The following INCENP variants were observed in gnomAD, a reference collection of about 807,000 sequenced individuals.
INCENP encodes the protein inner centromere protein.
Under a neutral mutation model 107.3 loss-of-function variants are expected in INCENP, and 43 were observed. The observed-to-expected ratio is 0.40, with a 90% CI of 0.31 to 0.52. The LOEUF (loss-of-function observed/expected upper bound fraction) is 0.52, where lower values mean the gene tolerates loss of function less well. Ranked by LOEUF, INCENP falls within the 20% of genes least tolerant of loss-of-function variation. The pLI, the probability that INCENP is intolerant of heterozygous loss-of-function variation, is 0.53. For missense variants in INCENP, 1,089 were observed against 1,250.9 expected (o/e 0.87, Z 1.95); for synonymous variants, 488 against 494.4 (o/e 0.99, Z 0.17).
At chr11:62,142,875 C>T (rs1944154059) in intron 11 of INCENP, among the ~76,000 whole-genome samples, 1 of 152,218 alleles carries the variant, frequency 6.6e-6, no homozygotes, top group Admixed American at 6.5e-5. Context: ...AGAGCTGAGC[C>T]TGGGCGTTCG....
rs1565100092 is a variant in INCENP at position 62,145,052 on chromosome 11, T to C, written c.1676T>C (p.Val559Ala). Residue 559 changes from valine (V) to alanine (A), a missense_variant, in exon 12 of 19, where the codon GTG (valine) becomes GCG (alanine). Coordinates refer to ENST00000394818, the MANE Select transcript of INCENP (RefSeq NM_001040694.2). ...EEAEQLRRQK[V>A]EEDKRRRLEE... The stretch of plus-strand genomic sequence containing the variant: ...GCCGAGCAGCTGCGCAGGCAGAAGG[T>C]GGAGGAGGACAAGCGGCGGCGGCTG... 1 of 1,612,802 alleles carries C rather than the reference T, an allele frequency of 6.2e-7. No homozygotes were observed. The highest frequency in any genetic ancestry group is 8.5e-7 in the Non-Finnish European group (1 of 1,179,580).
chr11:62,126,057 C>G (rs1218818876), intron 1 of INCENP, among the ~76,000 whole-genome samples: 2 of 152,214 alleles, frequency 1.3e-5, no homozygotes, highest in Non-Finnish European at 2.9e-5. Flanking sequence ...ACAAAGACTA[C>G]TGTGTCCTTG....
chr11:62,145,888 T>A, intron 14 of INCENP, 137 bp downstream of exon 14: 1 of 1,102,434 alleles, frequency 9.1e-7, no homozygotes, highest in Non-Finnish European at 1.3e-6. Flanking sequence ...GAAGGAGGTT[T>A]CCCAGAAGTC....
At position 62,140,737 on chromosome 11, in the gene INCENP, G is replaced by A. The variant is rs1353615365; in HGVS notation, c.1377G>A (p.Glu459=). 1.3e-6 allele frequency: 2 copies of A among 1,597,428 alleles called. No individual in the cohort carries two copies. The highest frequency in any genetic ancestry group is 3.5e-5 in the Admixed American group (2 of 57,598). Residue 459 remains glutamate (E), a synonymous_variant, in exon 9 of 19, where the codon GAG becomes GAA. Coordinates refer to ENST00000394818, the MANE Select transcript of INCENP (RefSeq NM_001040694.2). ...RKRSYKQAVS[E]LDEEQHLEDE... ...GCAGCTACAAGCAGGCCGTGAGTGA[G>A]CTGGACGAGGAGCAGCACCTGGAGG...
In INCENP at chr11:62,145,800, G is replaced by A. The variant is rs772863550; in HGVS notation, c.1959+49G>A. 1.3e-5 allele frequency: 20 copies of A among 1,531,432 alleles called. No individual in the cohort carries two copies. The South Asian group carries it at 2.2e-4, about 17-fold the overall frequency. 94.9% of individuals were successfully genotyped at this position (1,531,432 alleles called of 1,614,324 possible). On this transcript the variant is annotated intron_variant, in intron 14 of 18. Coordinates refer to ENST00000394818, the MANE Select transcript of INCENP (RefSeq NM_001040694.2). ...GGAGGAGGTGGGCGGGGTGGGCGCT[G>A]TCTCAGCACCATGGGGCCCTACTGG...
chr11:62,140,213 C>G, intron 7 of INCENP, 21 bp from the exon 8 acceptor site: 1 of 1,612,426 alleles, frequency 6.2e-7, no homozygotes, highest in Non-Finnish European at 8.5e-7. Context: ...TGCAGCCTTG[C>G]TGAAATTGCT....
At position 62,146,883 on chromosome 11, in the gene INCENP, G is replaced by C. The variant is rs1260162326; in HGVS notation, c.2185G>C (p.Glu729Gln). 2 of 1,599,980 alleles carry C rather than the reference G, an allele frequency of 1.3e-6. No individual in the cohort carries two copies. The highest frequency in any genetic ancestry group is 2.2e-5 in the South Asian group (2 of 90,012). The stretch of plus-strand genomic sequence containing the variant: ...AGAGCAGGAGCGTCGGCGGGAGCAG[G>C]AGCGGCTCCAGGCCGAGAGGTGAGG... Reference protein sequence around the residue: ...LAEQERRREQERLQAERELQE... With the variant: ...LAEQERRREQQRLQAERELQE... Residue 729 changes from glutamate to glutamine, a missense_variant, in exon 15 of 19, where the codon GAG (glutamate) becomes CAG (glutamine). By Grantham distance (29) the Glu-to-Gln change is conservative. Transcript: ENST00000394818.
chr11:62,136,392 T>G (rs1450665359), intron 4 of INCENP, among the ~76,000 whole-genome samples: 1 of 152,106 alleles, frequency 6.6e-6, no homozygotes, highest in Non-Finnish European at 1.5e-5. Context: ...TTAGTAAAAT[T>G]AGGACTTTTG....
intron 4 of INCENP, among the ~76,000 whole-genome samples, chr11:62,130,853 A>G (rs79973386): frequency 0.045 from 6,865 of 152,280 alleles, 480 homozygotes; most frequent in African/African-American, 0.15. Context: ...AGTTACATGT[A>G]GCTAGTGGCT....
intron 10 of INCENP, 33 bp from the exon 11 acceptor site, chr11:62,141,467 T>C: frequency 1.9e-6 from 3 of 1,613,926 alleles, no homozygotes; most frequent in South Asian, 1.1e-5. Context: ...GGCCTGGCAT[T>C]AACTCTTGCC....
chr11:62,146,397 G>A (rs897415847), intron 14 of INCENP, among the ~76,000 whole-genome samples: 1 of 152,238 alleles, frequency 6.6e-6, no homozygotes, highest in African/African-American at 2.4e-5. Context: ...ATGCTTGCCC[G>A]TTGTTTCATA....
intron 3 of INCENP, among the ~76,000 whole-genome samples, chr11:62,129,560 C>G (rs1393111038): frequency 6.6e-6 from 1 of 152,280 alleles, no homozygotes; most frequent in Admixed American, 6.5e-5. Flanking sequence ...CAGTTCTGTG[C>G]GGACTGTGGC....
rs756014301 is a variant in INCENP at position 62,150,187 on chromosome 11, C to T, written c.2522C>T (p.Pro841Leu). ...STDDEAHPRK[P>L]IPTWARGTPL... ...GATGATGAGGCCCATCCCCGGAAGC[C>T]CATCCCCACCTGGGCCCGAGGTAAG... The change falls in exon 18 of 19, where the codon CCC becomes CTC. Residue 841 changes from proline to leucine, a missense_variant. Transcript: ENST00000394818. 6.2e-7 allele frequency: 1 copy of T among 1,614,056 alleles called. No individual in the cohort carries two copies.
Position 62,144,980 on chromosome 11 carries a change from A to G in INCENP, c.1606-2A>G. On this transcript the variant is annotated splice_acceptor_variant, in intron 11 of 18. Transcript: ENST00000394818. LOFTEE classifies it high-confidence loss of function. The stretch of plus-strand genomic sequence containing the variant: ...CATCTCCCTCGCTCCCCGCCACCCC[A>G]GGAGAAGGAGCGGCAGCGCCTGGAG... 1 of 1,593,246 alleles carries G rather than the reference A, an allele frequency of 6.3e-7. No individual in the cohort carries two copies. The highest frequency in any genetic ancestry group is 8.5e-7 in the Non-Finnish European group (1 of 1,171,700).
chr11:62,140,692 G>A lies in INCENP; in HGVS notation c.1344-12G>A, dbSNP rs545492917. 1.2e-4 allele frequency: 183 copies of A among 1,551,016 alleles called. No homozygotes were observed. The highest frequency in any genetic ancestry group is 3.7e-4 in the Admixed American group (19 of 51,216). On this transcript the variant is annotated splice_polypyrimidine_tract_variant and intron_variant, in intron 8 of 18. Transcript: ENST00000394818. Reference sequence around the variant, plus strand: ...GGGCTGCCCTGTGATGCCGCCGCCCGCGCCTTGGCAGGAGGAAGCGCAGCT... The same window carrying A: ...GGGCTGCCCTGTGATGCCGCCGCCCACGCCTTGGCAGGAGGAAGCGCAGCT...
At chr11:62,142,795 AGGTGGT>A (rs1944152016) in intron 11 of INCENP, among the ~76,000 whole-genome samples, 1 of 152,188 alleles carries the variant, frequency 6.6e-6, no homozygotes, top group Admixed American at 6.5e-5. Flanking sequence ...GGGACTTGGC[AGGTGGT>A]CTGTTAGTTT....
intron 18 of INCENP, among the ~76,000 whole-genome samples, chr11:62,150,893 C>T (rs1944358682): frequency 6.6e-6 from 1 of 152,110 alleles, no homozygotes; most frequent in African/African-American, 2.4e-5. Flanking sequence ...GGTGCAGACG[C>T]CCCAGAGGGA....
intron 4 of INCENP, among the ~76,000 whole-genome samples, chr11:62,131,558 G>C (rs956695548): frequency 6.6e-6 from 1 of 152,160 alleles, no homozygotes; most frequent in South Asian, 2.1e-4. Context: ...TATTGGCAGA[G>C]GGAACAGCTT....
Position 62,151,775 on chromosome 11 carries a change from C to G in INCENP, c.2556C>G (p.Ser852Arg). 1 of 1,614,034 alleles carries G rather than the reference C, an allele frequency of 6.2e-7. No homozygotes were observed. Among genetic ancestry groups the G allele is most frequent in the Non-Finnish European group, 8.5e-7 (1 of 1,180,004 alleles). ...GGTCTCCTGCAGGCACCCCGCTCAG[C>G]CAGGCTATCATTCACCAGTACTACC... ...IPTWARGTPL[S>R]QAIIHQYYHP... The change falls in exon 19 of 19, where the codon AGC (serine) becomes AGG (arginine). Residue 852 changes from serine (S) to arginine (R), a missense_variant. By Grantham distance (110) the Ser-to-Arg change is moderately radical. Transcript: ENST00000394818.
Sources: gnomAD v4.1 joint callset for allele counts (sites outside exome capture counted in the v4.1 genomes callset) on GRCh38, gnomAD v4.1.1 for gene constraint, MANE v1.5 for transcripts, NCBI Gene and HGNC (gene_info 2026-07-23, HGNC 2026-07-21) for gene names.